RPS27L: variants seen among roughly 807,000 people sequenced by gnomAD.
RPS27L encodes the protein ribosomal protein eS27-like.
Under a neutral mutation model 12.8 loss-of-function variants are expected in RPS27L, and 10 were observed. The ratio of observed to expected loss-of-function variants is 0.78; its 90% CI spans 0.48 to 1.33. The LOEUF is 1.33. Among genes scored for constraint, RPS27L ranks in the 40% most tolerant of loss-of-function variants. The pLI is 0.00. For missense variants in RPS27L, 81 were observed against 97.4 expected (o/e 0.83, Z 0.71); for synonymous variants, 26 against 32.3 (o/e 0.81, Z 0.66).
chr15:63,155,705 T>C lies in RPS27L; in HGVS notation c.142A>G (p.Ser48Gly). Residue 48 changes from serine (S) to glycine (G), a missense_variant, in exon 3 of 4, where the codon AGC (serine) becomes GGC (glycine). Ser to Gly is a moderately conservative substitution (Grantham distance 56, BLOSUM62 0). Transcript: ENST00000330964. ...CAAAGAACCACTGTCTGAGCATGGC[T>C]GAAAACCGTGGTGATCTTGTAGCAA... Reference protein sequence around the residue: ...PGCYKITTVFSHAQTVVLCVG... With the variant: ...PGCYKITTVFGHAQTVVLCVG... 1 of 1,527,302 alleles carries C rather than the reference T, an allele frequency of 6.5e-7. No homozygotes were observed. The highest frequency in any genetic ancestry group is 8.8e-7 in the Non-Finnish European group (1 of 1,139,286). The allele number at this position is 1,527,302 out of a possible 1,614,324, so 94.6% of individuals were successfully genotyped here. A position where few individuals can be genotyped will look rare whatever the true frequency, so the allele number is the denominator to read the frequency against.
chr15:63,155,461 TA>T, intron 3 of RPS27L, 159 bp downstream of exon 3: 1 of 495,666 alleles, frequency 2.0e-6, no homozygotes, highest in Non-Finnish European at 3.6e-6. Context: ...GTCAAGAGTA[TA>T]AATATATCCA....
Position 63,149,303 on chromosome 15 carries a change from T to C in RPS27L, c.*4729A>G, listed in dbSNP as rs1311908018. 3 of 152,094 alleles carry C rather than the reference T, an allele frequency of 2.0e-5. No individual in the cohort carries two copies. Among genetic ancestry groups the C allele is most frequent in the African/African-American group, 7.2e-5 (3 of 41,406 alleles). 9.4% of individuals were successfully genotyped at this position (152,094 alleles called of 1,614,324 possible). A position where few individuals can be genotyped will look rare whatever the true frequency, so the allele number is the denominator to read the frequency against. On this transcript the variant is annotated 3_prime_UTR_variant, in exon 4 of 4. Coordinates refer to ENST00000330964, the MANE Select transcript of RPS27L (RefSeq NM_015920.4). The stretch of plus-strand genomic sequence containing the variant: ...TTCCAAAGATTTAAGTTTTTTTCCA[T>C]GGAAAATTACGAAGACATGAGAGGC...
chr15:63,155,066 A>C (rs1352974684), intron 3 of RPS27L: 1 of 152,164 alleles, frequency 6.6e-6, no homozygotes, highest in Non-Finnish European at 1.5e-5. Flanking sequence ...AGGCGGGCAG[A>C]CCATGAGGTC....
At chr15:63,154,358 A>T (rs2141085895) in intron 3 of RPS27L, 1 of 317,642 alleles carries the variant, frequency 3.1e-6, no homozygotes, top group South Asian at 1.0e-4. Context: ...CTGTCAGAAG[A>T]TATACTCTTA....
rs1279540969 is a variant in RPS27L at position 63,149,867 on chromosome 15, G to A, written c.*4165C>T. 1 of 152,264 alleles carries A rather than the reference G, an allele frequency of 6.6e-6. No individual in the cohort carries two copies. Among genetic ancestry groups the A allele is most frequent in the Admixed American group, 6.5e-5 (1 of 15,268 alleles). The allele number at this position is 152,264 out of a possible 1,614,324, so 9.4% of individuals were successfully genotyped here. On this transcript the variant is annotated 3_prime_UTR_variant, in exon 4 of 4. Coordinates refer to ENST00000330964, the MANE Select transcript of RPS27L (RefSeq NM_015920.4). Reference sequence around the variant, plus strand: ...GTGGGCGGATGGCCTGAGGCAAGGAGTTCAAGACCAGCCTGGGCAACATGG... The same window carrying A: ...GTGGGCGGATGGCCTGAGGCAAGGAATTCAAGACCAGCCTGGGCAACATGG...
In RPS27L at chr15:63,148,813, G is replaced by A. The variant is rs1264981210; in HGVS notation, c.*5219C>T. Reference sequence around the variant, plus strand: ...GAAACAAAATTCAAAGGCTATTTAAGTGTCGATCAATAGCAAACACCATGA... The same window carrying A: ...GAAACAAAATTCAAAGGCTATTTAAATGTCGATCAATAGCAAACACCATGA... On this transcript the variant is annotated 3_prime_UTR_variant, in exon 4 of 4. Coordinates refer to ENST00000330964, the MANE Select transcript of RPS27L (RefSeq NM_015920.4). The A allele has an allele frequency of 6.7e-6, 1 of 149,686 alleles. No individual in the cohort carries two copies. The highest frequency in any genetic ancestry group is 2.5e-5 in the African/African-American group (1 of 40,546). 9.3% of individuals were successfully genotyped at this position (149,686 alleles called of 1,614,324 possible). A position where few individuals can be genotyped will look rare whatever the true frequency, so the allele number is the denominator to read the frequency against.
Position 63,150,248 on chromosome 15 carries a change from A to G in RPS27L, c.*3784T>C, listed in dbSNP as rs906305355. ...ATGCTAAGTGAAACATACAGAAGCT[A>G]CATACCATGTGATTCCATTTATACG... On this transcript the variant is annotated 3_prime_UTR_variant, in exon 4 of 4. Coordinates refer to ENST00000330964, the MANE Select transcript of RPS27L (RefSeq NM_015920.4). The G allele has an allele frequency of 6.6e-6, 1 of 152,272 alleles. No homozygotes were observed. The highest frequency in any genetic ancestry group is 2.4e-5 in the African/African-American group (1 of 41,470). 9.4% of individuals were successfully genotyped at this position (152,272 alleles called of 1,614,324 possible). A position where few individuals can be genotyped will look rare whatever the true frequency, so the allele number is the denominator to read the frequency against.
In RPS27L at chr15:63,152,255, C is replaced by G. The variant is rs938144578; in HGVS notation, c.*1777G>C. 1.3e-5 allele frequency: 2 copies of G among 152,054 alleles called. No homozygotes were observed. The highest frequency in any genetic ancestry group is 2.9e-5 in the Non-Finnish European group (2 of 67,996). 9.4% of individuals were successfully genotyped at this position (152,054 alleles called of 1,614,324 possible). A position where few individuals can be genotyped will look rare whatever the true frequency, so the allele number is the denominator to read the frequency against. ...GACCCTCCAACCTGGGCAATAGAGC[C>G]AAGACACTGTCTCTATTTTTAAAAA... is the stretch of plus-strand genomic sequence containing the variant. On this transcript the variant is annotated 3_prime_UTR_variant, in exon 4 of 4. Transcript: ENST00000330964.
At chr15:63,154,203 T>C (rs2037318029) in intron 3 of RPS27L, 143 bp from the exon 4 acceptor site, 1 of 650,104 alleles carries the variant, frequency 1.5e-6, no homozygotes, top group Non-Finnish European at 2.7e-6. Flanking sequence ...TATCCTTTTA[T>C]ACCAGAAATT....
In RPS27L at chr15:63,157,398, A is replaced by G. The variant is rs1362177038; in HGVS notation, c.6+2T>C. ...ACCCGGAGCCCGATGTAAACAACTC[A>G]CAGGCATGTTGATCCTCTTGCAAGC... On this transcript the variant is annotated splice_donor_variant, in intron 1 of 3. Transcript: ENST00000330964. LOFTEE classifies it high-confidence loss of function. 6.2e-7 allele frequency: 1 copy of G among 1,613,820 alleles called. No homozygotes were observed. Among genetic ancestry groups the G allele is most frequent in the Admixed American group, 1.7e-5 (1 of 60,032 alleles).
rs572038325 is a variant in RPS27L at position 63,148,572 on chromosome 15, C to T, written c.*5460G>A. 7.1e-4 allele frequency: 108 copies of T among 152,354 alleles called. No homozygotes were observed. The highest frequency in any genetic ancestry group is 3.4e-3 in the Middle Eastern group (1 of 294). The allele number at this position is 152,354 out of a possible 1,614,324, so 9.4% of individuals were successfully genotyped here. On this transcript the variant is annotated 3_prime_UTR_variant, in exon 4 of 4. Transcript: ENST00000330964. ...CAAAAGGCTGTGGCAGCTCCAATTT[C>T]TGTTCCTATAGAATAACTGAAACTA...
chr15:63,155,462 A>C (rs1374437853), intron 3 of RPS27L, 159 bp downstream of exon 3: 1 of 500,882 alleles, frequency 2.0e-6, no homozygotes, highest in African/African-American at 2.0e-5. Flanking sequence ...TCAAGAGTAT[A>C]AATATATCCA....
rs922003513 is a variant in RPS27L, at chr15:63,149,776, A to G, written c.*4256T>C. The stretch of plus-strand genomic sequence containing the variant: ...CAAAATGGATTTTGCAGATGTCATT[A>G]AGAATACTTTATTTGGCCGGATGCA... On this transcript the variant is annotated 3_prime_UTR_variant, in exon 4 of 4. Coordinates refer to ENST00000330964, the MANE Select transcript of RPS27L (RefSeq NM_015920.4). 6.6e-6 allele frequency: 1 copy of G among 152,152 alleles called. No individual in the cohort carries two copies. Among genetic ancestry groups the G allele is most frequent in the Non-Finnish European group, 1.5e-5 (1 of 68,032 alleles). 9.4% of individuals were successfully genotyped at this position (152,152 alleles called of 1,614,324 possible). A position where few individuals can be genotyped will look rare whatever the true frequency, so the allele number is the denominator to read the frequency against.
At position 63,148,601 on chromosome 15, in the gene RPS27L, C is replaced by T. The variant is rs1327570616; in HGVS notation, c.*5431G>A. ...TCCTATAGAATAACTGAAACTAACA[C>T]TGCTTCCCTAAGATTTAAAATGAAA... On this transcript the variant is annotated 3_prime_UTR_variant, in exon 4 of 4. Coordinates refer to ENST00000330964, the MANE Select transcript of RPS27L (RefSeq NM_015920.4). 1.3e-5 allele frequency: 2 copies of T among 152,198 alleles called. No homozygotes were observed. 9.4% of individuals were successfully genotyped at this position (152,198 alleles called of 1,614,324 possible). A position where few individuals can be genotyped will look rare whatever the true frequency, so the allele number is the denominator to read the frequency against.
intron 3 of RPS27L, 25 bp downstream of exon 3, chr15:63,155,596 G>T: frequency 7.0e-7 from 1 of 1,419,534 alleles, no homozygotes; most frequent in Non-Finnish European, 9.8e-7. Flanking sequence ...CTCATCACTG[G>T]GTTGGAGAAT....
intron 3 of RPS27L, chr15:63,155,299 TAATAAATA>T (rs548459666): frequency 0.02 from 4,473 of 227,212 alleles, 178 homozygotes; most frequent in African/African-American, 0.092. Flanking sequence ...AAAAAAAAAA[TAATAAATA>T]AATAAATAAA....
chr15:63,155,516 A>C, intron 3 of RPS27L, 105 bp downstream of exon 3: 1 of 704,312 alleles, frequency 1.4e-6, no homozygotes, highest in Non-Finnish European at 2.4e-6. Context: ...ATGAAAGATA[A>C]GTTATTTTGG....
Position 63,155,691 on chromosome 15 carries a change from T to C in RPS27L, c.156A>G (p.Thr52=). The change falls in exon 3 of 4, where the codon ACA becomes ACG. Residue 52 remains threonine (T), a synonymous_variant. Transcript: ENST00000330964. The stretch of plus-strand genomic sequence containing the variant: ...TTGAACAACCTACACAAAGAACCAC[T>C]GTCTGAGCATGGCTGAAAACCGTGG... ...KITTVFSHAQ[T]VVLCVGCSTV... 6.4e-7 allele frequency: 1 copy of C among 1,559,042 alleles called. No individual in the cohort carries two copies. The highest frequency in any genetic ancestry group is 8.7e-7 in the Non-Finnish European group (1 of 1,154,804).
At chr15:63,156,728 G>C (rs1256626213) in intron 1 of RPS27L, 1 of 613,884 alleles carries the variant, frequency 1.6e-6, no homozygotes, top group Non-Finnish European at 2.8e-6. Context: ...CCCTAGAAAA[G>C]GGCTTTCGCA....
Sources: allele counts gnomAD v4.1 joint callset, GRCh38; gene constraint gnomAD v4.1.1; transcripts MANE v1.5; gene names NCBI Gene and HGNC (gene_info 2026-07-23, HGNC 2026-07-21).